LYRM4: variants seen among roughly 807,000 people sequenced by gnomAD.
The protein encoded by LYRM4 is LYR motif containing 4.
In LYRM4, 9 loss-of-function variants were observed where a neutral mutation model predicts 11.7. The observed-to-expected ratio is 0.77, with a 90% CI of 0.46 to 1.34. The LOEUF (loss-of-function observed/expected upper bound fraction) is 1.34, where lower values mean the gene tolerates loss of function less well. Among genes scored for constraint, LYRM4 ranks in the 40% most tolerant of loss-of-function variants. LYRM4 has a pLI of 0.00. For missense variants in LYRM4, 133 were observed against 112.5 expected (o/e 1.18, Z -0.82); for synonymous variants, 42 against 40.4 (o/e 1.04, Z -0.15).
the LYRM4 span, chr6:5,086,840 C>T: frequency 1.0e-5 from 5 of 492,912 alleles, no homozygotes; most frequent in Non-Finnish European, 1.8e-5. Context: ...CAGCCTGCGT[C>T]AGAATAGGAA....
the LYRM4 span, among the ~76,000 whole-genome samples, chr6:5,057,378 A>G: frequency 2.0e-5 from 3 of 152,060 alleles, no homozygotes; most frequent in East Asian, 3.9e-4. Flanking sequence ...GACAAAAGAG[A>G]CCAGGACGGA....
chr6:5,192,260 C>G (rs1760798440), intron 2 of LYRM4, among the ~76,000 whole-genome samples: 2 of 152,038 alleles, frequency 1.3e-5, no homozygotes, highest in African/African-American at 4.8e-5. Context: ...TGAAGATGGC[C>G]TGGGGTAGGG....
At chr6:5,041,231 C>T in the LYRM4 span, among the ~76,000 whole-genome samples, 4 of 151,378 alleles carry the variant, frequency 2.6e-5, no homozygotes, top group African/African-American at 7.3e-5. Flanking sequence ...TAGTTAAAAG[C>T]TCAATAACTT....
chr6:5,222,635 A>C (rs1762644228), intron 1 of LYRM4, among the ~76,000 whole-genome samples: 1 of 152,178 alleles, frequency 6.6e-6, no homozygotes, highest in East Asian at 1.9e-4. Flanking sequence ...AAATCATTGA[A>C]CTGTACCCTT....
chr6:5,042,840 T>G, the LYRM4 span: 1 of 152,394 alleles, frequency 6.6e-6, no homozygotes, highest in African/African-American at 2.4e-5. Flanking sequence ...GCTTGGCCCA[T>G]GATCCTGGTA....
intron 2 of LYRM4, chr6:5,144,197 G>T: frequency 6.5e-7 from 1 of 1,536,886 alleles, no homozygotes; most frequent in Non-Finnish European, 8.7e-7. Flanking sequence ...AACTTGTGCA[G>T]GGCTTCCCCA....
chr6:5,156,854 C>G (rs1167589796), intron 2 of LYRM4, among the ~76,000 whole-genome samples: 1 of 152,334 alleles, frequency 6.6e-6, no homozygotes, highest in South Asian at 2.1e-4. Flanking sequence ...AGCTCTGCAG[C>G]TGCTCATGAA....
chr6:5,069,879 T>C, the LYRM4 span, among the ~76,000 whole-genome samples: 1 of 152,250 alleles, frequency 6.6e-6, no homozygotes, highest in Non-Finnish European at 1.5e-5. Flanking sequence ...GTCTGTTTTA[T>C]TTACTGCTGC....
chr6:5,176,804 A>G (rs416803), intron 2 of LYRM4, among the ~76,000 whole-genome samples: 52,146 of 152,126 alleles, frequency 0.34, 10,139 homozygotes, highest in African/African-American at 0.54. Context: ...TGTGTATCTC[A>G]GATTTCTAAA....
At chr6:5,077,898 T>C in the LYRM4 span, among the ~76,000 whole-genome samples, 2 of 152,228 alleles carry the variant, frequency 1.3e-5, no homozygotes, top group South Asian at 4.1e-4. Context: ...TTCTAAAATA[T>C]GAAGGATGAT....
chr6:5,050,508 C>G, the LYRM4 span, among the ~76,000 whole-genome samples: 1 of 152,198 alleles, frequency 6.6e-6, no homozygotes, highest in Non-Finnish European at 1.5e-5. Context: ...AGGGCCAGCA[C>G]CTGTTTTTGG....
At chr6:5,257,187 C>T (rs928027539) in intron 1 of LYRM4, among the ~76,000 whole-genome samples, 5 of 152,088 alleles carry the variant, frequency 3.3e-5, no homozygotes, top group African/African-American at 1.2e-4. Context: ...GTCCAGGGTC[C>T]TCAGCACGGC....
chr6:5,199,215 T>C (rs1761243056), intron 2 of LYRM4, among the ~76,000 whole-genome samples: 1 of 152,254 alleles, frequency 6.6e-6, no homozygotes, highest in South Asian at 2.1e-4. Context: ...GAAGACTATT[T>C]GGCATTAAAA....
intron 2 of LYRM4, among the ~76,000 whole-genome samples, chr6:5,148,051 C>T (rs1310283291): frequency 6.6e-6 from 1 of 152,162 alleles, no homozygotes; most frequent in Non-Finnish European, 1.5e-5. Flanking sequence ...CTCCCCCACT[C>T]TCCCTTCACG....
the LYRM4 span, among the ~76,000 whole-genome samples, chr6:5,092,608 C>T: frequency 2.0e-5 from 3 of 151,922 alleles, no homozygotes; most frequent in East Asian, 3.9e-4. Flanking sequence ...GTCCCAGCTA[C>T]CAGGGAGGCT....
intron 1 of LYRM4, among the ~76,000 whole-genome samples, chr6:5,238,096 G>T (rs756986851): frequency 4.9e-4 from 74 of 152,066 alleles, no homozygotes; most frequent in South Asian, 1.5e-3. Context: ...CTCATCCCAG[G>T]ACTTATTTTG....
chr6:5,066,203 T>TA, the LYRM4 span: 1 of 705,842 alleles, frequency 1.4e-6, no homozygotes, highest in South Asian at 1.4e-5. Flanking sequence ...TGCAGAACCT[T>TA]AATCTCACAA....
At chr6:5,163,944 CA>C (rs1758919390) in intron 2 of LYRM4, among the ~76,000 whole-genome samples, 1 of 152,206 alleles carries the variant, frequency 6.6e-6, no homozygotes, top group Non-Finnish European at 1.5e-5. Context: ...GGAACATTAA[CA>C]ACTTTATAAC....
chr6:5,086,213 C>T, the LYRM4 span: 2 of 1,535,210 alleles, frequency 1.3e-6, no homozygotes, highest in Admixed American at 2.0e-5. Context: ...CTCAGCTGCC[C>T]TGGGCCCAGG....
Sources: gnomAD v4.1 joint callset for allele counts (sites outside exome capture counted in the v4.1 genomes callset) on GRCh38, gnomAD v4.1.1 for gene constraint, MANE v1.5 for transcripts, NCBI Gene and HGNC (gene_info 2026-07-23, HGNC 2026-07-21) for gene names.